The following PPM1A variants were observed in gnomAD, a reference collection of about 807,000 sequenced individuals.
PPM1A encodes the protein protein phosphatase 1A.
PPM1A carries 7 observed loss-of-function variants against 35.0 expected under a neutral mutation model. The observed-to-expected ratio is 0.20, with a 90% CI of 0.11 to 0.38. The LOEUF (loss-of-function observed/expected upper bound fraction) is 0.38. Among genes scored for constraint, PPM1A ranks in the 10% least tolerant of loss-of-function variants. The probability of loss-of-function intolerance (pLI) is 1.00; values close to 1 mark genes in which losing one functional copy is unlikely to be tolerated. For synonymous variants in PPM1A, 153 were observed against 167.3 expected, an observed-to-expected ratio of 0.91 and a Z score of 0.66; for missense variants, 239 against 467.8, an observed-to-expected ratio of 0.51 and a Z score of 4.51.
In PPM1A at chr14:60,292,503, A is replaced by G. The variant is rs1887748696; in HGVS notation, c.*21A>G. 2 of 1,584,768 alleles carry G rather than the reference A, an allele frequency of 1.3e-6. No individual in the cohort carries two copies. The highest frequency in any genetic ancestry group is 1.7e-6 in the Non-Finnish European group (2 of 1,154,754). ...GGTAAAACTGCTCATCTAGCCATGG[A>G]GTTTACCTTCACCTCCAAAGGAGAG... On this transcript the variant is annotated 3_prime_UTR_variant, in exon 6 of 6. Coordinates refer to ENST00000395076, the MANE Select transcript of PPM1A (RefSeq NM_021003.5). The surrounding 1 kb of genome is among the most constrained non-coding windows in gnomAD (Gnocchi z 4.2).
chr14:60,267,516 TA>T (rs1884532869), intron 1 of PPM1A, among the ~76,000 whole-genome samples: 1 of 152,124 alleles, frequency 6.6e-6, no homozygotes, highest in African/African-American at 2.4e-5. Flanking sequence ...ACTATAGTTT[TA>T]TTTTTTTAGT....
intron 1 of PPM1A, among the ~76,000 whole-genome samples, chr14:60,271,444 G>T (rs1283675164): frequency 6.6e-6 from 1 of 152,178 alleles, no homozygotes; most frequent in Non-Finnish European, 1.5e-5. Flanking sequence ...GAGTGAGGCA[G>T]ACATATTAGT....
chr14:60,245,755 GTA>G, upstream of PPM1A: 1 of 1,146,034 alleles, frequency 8.7e-7, no homozygotes, highest in Non-Finnish European at 1.2e-6. The surrounding 1 kb of genome is among the most constrained non-coding windows in gnomAD (Gnocchi z 4.2). Flanking sequence ...TTCTCATAAT[GTA>G]TTATGATGTA....
At chr14:60,268,205 G>C (rs1884620321) in intron 1 of PPM1A, 1 of 753,382 alleles carries the variant, frequency 1.3e-6, no homozygotes, top group South Asian at 6.0e-5. Context: ...ACCTGGAGTG[G>C]TTCTTTAGTC....
chr14:60,282,931 A>G lies in PPM1A; in HGVS notation c.228A>G (p.Leu76=), dbSNP rs117800726. The G allele has an allele frequency of 7.1e-4, 1,139 of 1,614,244 alleles. 13 individuals carry two copies. The East Asian group carries it at 0.022, about 31-fold the overall frequency. ...QVAKYCCEHL[L]DHITNNQDFK... ...CCAAATACTGCTGTGAGCATTTGTT[A>G]GATCACATCACCAATAACCAGGATT... Residue 76 remains leucine (L), a synonymous_variant, in exon 2 of 6, where the codon TTA becomes TTG. Transcript: ENST00000395076. This position sits in a 1 kb window ranked among gnomAD's most constrained non-coding sequence, Gnocchi z 5.1.
intron 3 of PPM1A, chr14:60,288,702 T>G (rs547461063): frequency 8.4e-6 from 2 of 238,900 alleles, no homozygotes; most frequent in Non-Finnish European, 1.4e-5. Context: ...CTTTAAAAAT[T>G]TTGAGGCCTG....
At position 60,298,751 on chromosome 14, in the gene PPM1A, A is replaced by G. The variant is rs1888249233; in HGVS notation, c.*6269A>G. 6.6e-6 allele frequency: 1 copy of G among 151,750 alleles called. No individual in the cohort carries two copies. The highest frequency in any genetic ancestry group is 1.5e-5 in the Non-Finnish European group (1 of 67,756). 9.4% of individuals were successfully genotyped at this position (151,750 alleles called of 1,614,324 possible). A position where few individuals can be genotyped will look rare whatever the true frequency, so the allele number is the denominator to read the frequency against. On this transcript the variant is annotated 3_prime_UTR_variant, in exon 6 of 6. Coordinates refer to ENST00000395076, the MANE Select transcript of PPM1A (RefSeq NM_021003.5). ...GTTGCATTATATATTCATTTTTTAA[A>G]CTCTATAAATGTTAAGAATAATATA...
At chr14:60,248,136 C>T (rs941140892), upstream of PPM1A, among the ~76,000 whole-genome samples, 1 of 152,166 alleles carries the variant, frequency 6.6e-6, no homozygotes, top group African/African-American at 2.4e-5. Flanking sequence ...CATTGGCTGC[C>T]TAGGGTTTGT....
intron 1 of PPM1A, among the ~76,000 whole-genome samples, chr14:60,257,816 A>G (rs1208987825): frequency 6.6e-6 from 1 of 151,948 alleles, no homozygotes; most frequent in Non-Finnish European, 1.5e-5. Context: ...ATGGCTATAT[A>G]TTTTTTTGTT....
chr14:60,281,414 C>T (rs1482826373), intron 1 of PPM1A, among the ~76,000 whole-genome samples: 1 of 152,076 alleles, frequency 6.6e-6, no homozygotes, highest in Non-Finnish European at 1.5e-5. Flanking sequence ...TCTTTCCTTC[C>T]TAGGAGGATT....
At chr14:60,268,079 C>T (rs1026378823) in intron 1 of PPM1A, among the ~76,000 whole-genome samples, 6 of 152,000 alleles carry the variant, frequency 3.9e-5, no homozygotes, top group African/African-American at 1.4e-4. Context: ...TATCAGTTGT[C>T]CCAGTAATGT....
At chr14:60,286,062 G>T in intron 3 of PPM1A, 1 of 1,010,730 alleles carries the variant, frequency 9.9e-7, no homozygotes, top group East Asian at 9.4e-5. Context: ...GGGAAAATCT[G>T]ATTTGTGGTC....
rs139670655 is a variant in PPM1A at position 60,253,431 on chromosome 14, C to T, written c.-21+3754C>T. Among the ~76,000 whole-genome samples the T allele has an allele frequency of 8.5e-3, 1,287 of 152,114 alleles. 22 individuals are homozygous for T. The highest frequency in any genetic ancestry group is 0.034 in the East Asian group (177 of 5,182). ...ATACAGGGTCAGAGAACCTAAATAA[C>T]GTGCCAGGATCAGATCTGGGTAGAT... On this transcript the variant is annotated intron_variant, in intron 1 of 5. Coordinates refer to ENST00000395076, the MANE Select transcript of PPM1A (RefSeq NM_021003.5).
At position 60,286,591 on chromosome 14, in the gene PPM1A, A is replaced by C. The variant is rs1269200673; in HGVS notation, c.952+850A>C. ...TAGGCTCCTAATGTCGTTAATTTGC[A>C]CGTTAAAGACCTCTAATCGCATGCA... On this transcript the variant is annotated intron_variant, in intron 3 of 5. Transcript: ENST00000395076. The C allele has an allele frequency of 5.1e-6, 5 of 985,248 alleles. No homozygotes were observed. The African/African-American group carries it at 8.7e-5, about 17-fold the overall frequency. The allele number at this position is 985,248 out of a possible 1,614,324, so 61.0% of individuals were successfully genotyped here. A position where few individuals can be genotyped will look rare whatever the true frequency, so the allele number is the denominator to read the frequency against.
chr14:60,295,459 C>G lies in PPM1A; in HGVS notation c.*2977C>G, dbSNP rs1887986332. ...GAGTACTTAATGCAACTGCTCTAGC[C>G]ACTTAATTTTTTATACTAATCTCAA... On this transcript the variant is annotated 3_prime_UTR_variant, in exon 6 of 6. Coordinates refer to ENST00000395076, the MANE Select transcript of PPM1A (RefSeq NM_021003.5). 1 of 151,638 alleles carries G rather than the reference C, an allele frequency of 6.6e-6. No individual in the cohort carries two copies. The highest frequency in any genetic ancestry group is 2.1e-4 in the South Asian group (1 of 4,828). The allele number at this position is 151,638 out of a possible 1,614,324, so 9.4% of individuals were successfully genotyped here.
In PPM1A at chr14:60,272,368, G is replaced by A. The variant is rs550426269; in HGVS notation, c.-20-10316G>A. On this transcript the variant is annotated intron_variant, in intron 1 of 5. Transcript: ENST00000395076. ...GTATACTTTGTATCCAGGAATGTGT[G>A]TACACTAGGGGGAGTGTTGGGGGGA... Among the ~76,000 whole-genome samples, 134 of 151,544 alleles carry A rather than the reference G, an allele frequency of 8.8e-4. 1 individual carries two copies. Among genetic ancestry groups the A allele is most frequent in the South Asian group, 6.3e-4 (3 of 4,782 alleles).
intron 1 of PPM1A, among the ~76,000 whole-genome samples, chr14:60,262,965 G>A (rs578078105): frequency 3.3e-5 from 5 of 152,226 alleles, no homozygotes; most frequent in Non-Finnish European, 5.9e-5. Context: ...GGTGGCTCAC[G>A]CCTGTAATCC....
At position 60,283,326 on chromosome 14, in the gene PPM1A, A is replaced by G. The variant is rs1486403968; in HGVS notation, c.623A>G (p.Lys208Arg). The change falls in exon 2 of 6, where the codon AAA becomes AGA. Residue 208 changes from lysine to arginine, a missense_variant. Lys to Arg is a conservative substitution (Grantham distance 26). Coordinates refer to ENST00000395076, the MANE Select transcript of PPM1A (RefSeq NM_021003.5). This position sits in a 1 kb window ranked among gnomAD's most constrained non-coding sequence, Gnocchi z 6.3. Reference sequence around the variant, plus strand: ...TTTGATTACAAATGTGTCCATGGAAAAGGTCCTACTGAGCAGCTTGTCTCA... The same window carrying G: ...TTTGATTACAAATGTGTCCATGGAAGAGGTCCTACTGAGCAGCTTGTCTCA... Reference protein sequence around the residue: ...GDFDYKCVHGKGPTEQLVSPE... With the variant: ...GDFDYKCVHGRGPTEQLVSPE... 1.9e-6 allele frequency: 3 copies of G among 1,614,192 alleles called. No homozygotes were observed. The Admixed American group carries it at 5.0e-5, about 27-fold the overall frequency.
rs1397050900 is a variant in PPM1A, at chr14:60,295,475, C to G, written c.*2993C>G. 6.6e-6 allele frequency: 1 copy of G among 151,698 alleles called. No homozygotes were observed. Among genetic ancestry groups the G allele is most frequent in the African/African-American group, 2.4e-5 (1 of 41,384 alleles). 9.4% of individuals were successfully genotyped at this position (151,698 alleles called of 1,614,324 possible). On this transcript the variant is annotated 3_prime_UTR_variant, in exon 6 of 6. Coordinates refer to ENST00000395076, the MANE Select transcript of PPM1A (RefSeq NM_021003.5). ...TGCTCTAGCCACTTAATTTTTTATA[C>G]TAATCTCAACATTAAGAAATTTGGA...
Sources: gnomAD v4.1 joint callset for allele counts (sites outside exome capture counted in the v4.1 genomes callset) on GRCh38, gnomAD v4.1.1 for gene constraint, Gnocchi (gnomAD v3.1) non-coding constraint, MANE v1.5 for transcripts, NCBI Gene and HGNC (gene_info 2026-07-23, HGNC 2026-07-21) for gene names.